Variants in DDX60L observed in about 807,000 individuals in gnomAD.
The protein encoded by DDX60L is DExD/H-box 60 like.
DDX60L carries 191 observed loss-of-function variants against 211.6 expected under a neutral mutation model. The ratio of observed to expected loss-of-function variants is 0.90; its 90% CI spans 0.80 to 1.02. The LOEUF (loss-of-function observed/expected upper bound fraction) is 1.02. Ranked by LOEUF, DDX60L falls within the 50% of genes least tolerant of loss-of-function variation. The pLI is 0.00. For missense variants in DDX60L, 2,007 were observed against 1,984.1 expected, an observed-to-expected ratio of 1.01 and a Z score of -0.22; for synonymous variants, 706 against 694.1, an observed-to-expected ratio of 1.02 and a Z score of -0.27.
chr4:168,427,482 G>T (rs1751651432), intron 13 of DDX60L, among the ~76,000 whole-genome samples, 160 bp from the exon 14 acceptor site: 1 of 152,178 alleles, frequency 6.6e-6, no homozygotes, highest in Non-Finnish European at 1.5e-5. Flanking sequence ...ATTAAAGTCT[G>T]TATGATGCAA....
chr4:168,423,993 G>T (rs573438014), intron 14 of DDX60L, among the ~76,000 whole-genome samples: 1 of 152,102 alleles, frequency 6.6e-6, no homozygotes, highest in African/African-American at 2.4e-5. Context: ...AAGTAACTTA[G>T]ACATAGCTGG....
chr4:168,384,059 G>C (rs183609369), intron 30 of DDX60L, among the ~76,000 whole-genome samples: 1 of 152,170 alleles, frequency 6.6e-6, no homozygotes, highest in Non-Finnish European at 1.5e-5. Context: ...TTTCTCCTGT[G>C]CTGGATACTT....
At chr4:168,449,637 CAA>C (rs59043240) in intron 8 of DDX60L, among the ~76,000 whole-genome samples, 28,249 of 43,946 alleles carry the variant, frequency 0.64, 8,036 homozygotes, top group East Asian at 0.86. Context: ...AACATTAAAA[CAA>C]AAAAAAAAAA....
At chr4:168,362,372 C>T (rs1739259569) in intron 36 of DDX60L, among the ~76,000 whole-genome samples, 2 of 152,204 alleles carry the variant, frequency 1.3e-5, no homozygotes, top group Non-Finnish European at 1.5e-5. Context: ...CCCACATATG[C>T]CTGCACTCAA....
chr4:168,466,708 T>C (rs1401254661), intron 4 of DDX60L, among the ~76,000 whole-genome samples: 1 of 152,192 alleles, frequency 6.6e-6, no homozygotes, highest in Non-Finnish European at 1.5e-5. Flanking sequence ...AATAAAGTCT[T>C]ATTTTGCTGT....
chr4:168,442,973 T>G (rs1754177225), intron 9 of DDX60L, among the ~76,000 whole-genome samples: 1 of 152,118 alleles, frequency 6.6e-6, no homozygotes, highest in East Asian at 1.9e-4. Context: ...AGAGCGCCTC[T>G]CCTCCTCCAA....
chr4:168,372,174 C>T (rs1470731901), intron 35 of DDX60L, among the ~76,000 whole-genome samples: 1 of 152,090 alleles, frequency 6.6e-6, no homozygotes, highest in Non-Finnish European at 1.5e-5. Context: ...AAAGGAGTGT[C>T]ATGTAGCTAG....
intron 5 of DDX60L, 98 bp downstream of exon 5, chr4:168,461,601 A>G: frequency 1.2e-6 from 1 of 849,194 alleles, no homozygotes; most frequent in South Asian, 1.9e-5. Context: ...GACTGCCTAT[A>G]ATAAGTTCCA....
At chr4:168,425,102 T>C (rs1324518799) in intron 14 of DDX60L, among the ~76,000 whole-genome samples, 2 of 152,224 alleles carry the variant, frequency 1.3e-5, no homozygotes, top group Non-Finnish European at 2.9e-5. Flanking sequence ...TACAATACGA[T>C]GATAGCGGAG....
At chr4:168,419,693 G>A (rs1222443856) in intron 18 of DDX60L, among the ~76,000 whole-genome samples, 3 of 152,098 alleles carry the variant, frequency 2.0e-5, no homozygotes. Flanking sequence ...CTATCGACGG[G>A]TCCACTATCA....
intron 10 of DDX60L, among the ~76,000 whole-genome samples, chr4:168,439,731 G>C (rs1185446874): frequency 6.6e-6 from 1 of 152,138 alleles, no homozygotes; most frequent in Admixed American, 6.6e-5. Context: ...AACAAAGTTG[G>C]AGCACATATA....
chr4:168,449,297 G>C (rs541143252), intron 8 of DDX60L, among the ~76,000 whole-genome samples: 1 of 151,440 alleles, frequency 6.6e-6, no homozygotes, highest in South Asian at 2.1e-4. Context: ...AAAAAATGAT[G>C]AGTTCATGTC....
At chr4:168,457,431 C>T (rs563963558) in intron 6 of DDX60L, among the ~76,000 whole-genome samples, 2 of 143,584 alleles carry the variant, frequency 1.4e-5, no homozygotes, top group Admixed American at 1.4e-4. Flanking sequence ...CACCTTTTAC[C>T]GCTTGAGCAT....
At position 168,408,628 on chromosome 4, in the gene DDX60L, A is replaced by T. The variant is rs181951644; in HGVS notation, c.2980-1922T>A. 2.0e-5 allele frequency among the ~76,000 whole-genome samples: 3 copies of T among 152,344 alleles called. No homozygotes were observed. The East Asian group carries it at 5.8e-4, about 29-fold the overall frequency. On this transcript the variant is annotated intron_variant, in intron 22 of 37. Transcript: ENST00000682922. ...TGCTCCTTTTGAAAAAAAAATTAAA[A>T]TGAACAAAAAATAAGTAAAAAAGTT...
chr4:168,467,473 GCTAA>G (rs1348588543), intron 4 of DDX60L, among the ~76,000 whole-genome samples: 2 of 135,348 alleles, frequency 1.5e-5, no homozygotes, highest in East Asian at 2.1e-4. Context: ...GAAAGAAGGA[GCTAA>G]CTAACACTAA....
chr4:168,404,144 AG>A, intron 24 of DDX60L, 38 bp from the exon 25 acceptor site: 1 of 1,151,982 alleles, frequency 8.7e-7, no homozygotes, highest in Non-Finnish European at 1.2e-6. Context: ...AAAAAAAAAA[AG>A]AATTTGTGGA....
rs1019928867 is a variant in DDX60L at position 168,433,040 on chromosome 4, T to C, written c.1370A>G (p.Asp457Gly). ...TAGAATAGGCAAATCCTTCATCATA[T>C]CTCCAACAAACTCATCAATTACAGC... ...TSAVIDEFVGDMMKDLPILKS... is the reference protein window; with the variant it reads ...TSAVIDEFVGGMMKDLPILKS... The change falls in exon 11 of 38, where the codon GAT (aspartate) becomes GGT (glycine). Residue 457 changes from aspartate to glycine, a missense_variant. Physicochemically the swap from Asp to Gly is moderately conservative, Grantham distance 94 (BLOSUM62 -1). Transcript: ENST00000682922. 1 of 1,609,076 alleles carries C rather than the reference T, an allele frequency of 6.2e-7. No individual in the cohort carries two copies. Among genetic ancestry groups the C allele is most frequent in the Admixed American group, 1.7e-5 (1 of 59,536 alleles).
intron 9 of DDX60L, among the ~76,000 whole-genome samples, chr4:168,442,688 G>GCAGA (rs1490948667): frequency 2.0e-5 from 3 of 151,490 alleles, no homozygotes; most frequent in African/African-American, 7.3e-5. Context: ...CTGAGAACGG[G>GCAGA]CAGACTGCCT....
chr4:168,397,197 C>T (rs1745953951), intron 26 of DDX60L, among the ~76,000 whole-genome samples: 1 of 152,180 alleles, frequency 6.6e-6, no homozygotes, highest in African/African-American at 2.4e-5. Flanking sequence ...TTAGAAGCCA[C>T]TTAGTCTATG....
Sources: gnomAD v4.1 joint callset for allele counts (sites outside exome capture counted in the v4.1 genomes callset) on GRCh38, gnomAD v4.1.1 for gene constraint, MANE v1.5 for transcripts, NCBI Gene and HGNC (gene_info 2026-07-23, HGNC 2026-07-21) for gene names.